Variants in FARS2 observed in about 807,000 individuals in gnomAD.
FARS2 encodes phenylalanine--tRNA ligase, mitochondrial.
In FARS2, 40 loss-of-function variants were observed where a neutral mutation model predicts 46.4. That is an observed-to-expected ratio of 0.86 (90% confidence interval 0.67 to 1.12). The LOEUF is 1.12. Among genes scored for constraint, FARS2 ranks in the 50% most tolerant of loss-of-function variants. The pLI is 0.00. For synonymous variants in FARS2, 234 were observed against 214.9 expected (o/e 1.09, Z -0.78); for missense variants, 513 against 567.9 (o/e 0.90, Z 0.98).
intron 6 of FARS2, among the ~76,000 whole-genome samples, chr6:5,644,505 G>T (rs1318596607): frequency 2.0e-5 from 3 of 152,078 alleles, no homozygotes; most frequent in African/African-American, 7.2e-5. Flanking sequence ...CAGCCACCGT[G>T]CCTGGCCTGT....
At chr6:5,507,885 C>G (rs73719627) in intron 4 of FARS2, among the ~76,000 whole-genome samples, 3,562 of 152,236 alleles carry the variant, frequency 0.023, 52 homozygotes, top group African/African-American at 0.032. Context: ...CCTGACGATC[C>G]AAATGGGATG....
chr6:5,574,152 G>T (rs948480290), intron 5 of FARS2, among the ~76,000 whole-genome samples: 4 of 151,994 alleles, frequency 2.6e-5, no homozygotes, highest in Non-Finnish European at 5.9e-5. Context: ...TTTGTTTTGA[G>T]ACAGAGTCTC....
chr6:5,374,664 C>T (rs1581919641), intron 2 of FARS2, among the ~76,000 whole-genome samples: 1 of 152,022 alleles, frequency 6.6e-6, no homozygotes, highest in South Asian at 2.1e-4. Context: ...TCATTATGAA[C>T]ATAGATTATT....
rs529709616 is a variant in FARS2, at chr6:5,589,533, A to G, written c.1066-23636A>G. ...CCTGCAGCTTCGCTTTGGCAGTACC[A>G]TGTTTTTCAGAGCCTGCTCGATTTG... On this transcript the variant is annotated intron_variant, in intron 5 of 6. Transcript: ENST00000274680. Among the ~76,000 whole-genome samples the G allele has an allele frequency of 4.6e-5, 7 of 152,316 alleles. No homozygotes were observed. The East Asian group carries it at 1.2e-3, about 25-fold the overall frequency.
intron 3 of FARS2, among the ~76,000 whole-genome samples, chr6:5,423,045 T>G (rs1257408344): frequency 6.6e-6 from 1 of 152,170 alleles, no homozygotes; most frequent in Non-Finnish European, 1.5e-5. Context: ...GATTTGCTTC[T>G]AGATCTGTGC....
chr6:5,486,087 C>G (rs183361850), intron 4 of FARS2, among the ~76,000 whole-genome samples: 173 of 152,356 alleles, frequency 1.1e-3, no homozygotes, highest in African/African-American at 4.0e-3. Context: ...CATTACCTCT[C>G]TCAAGGATAT....
chr6:5,615,038 T>C (rs1312963899), intron 6 of FARS2, among the ~76,000 whole-genome samples: 1 of 152,222 alleles, frequency 6.6e-6, no homozygotes, highest in African/African-American at 2.4e-5. Context: ...TTTTAAAGGA[T>C]TCCTTCTTTA....
intron 1 of FARS2, among the ~76,000 whole-genome samples, chr6:5,290,785 A>G (rs1432428302): frequency 2.0e-5 from 3 of 152,228 alleles, no homozygotes; most frequent in Admixed American, 1.3e-4. Context: ...CAGTGGCACA[A>G]TCATGGGTCA....
chr6:5,263,119 G>A (rs1247172863), intron 1 of FARS2, among the ~76,000 whole-genome samples: 1 of 152,162 alleles, frequency 6.6e-6, no homozygotes. Flanking sequence ...AAATAGCAAA[G>A]ATTACATTAT....
intron 1 of FARS2, among the ~76,000 whole-genome samples, chr6:5,292,754 T>C (rs572878115): frequency 5.3e-5 from 8 of 152,214 alleles, no homozygotes; most frequent in African/African-American, 1.9e-4. Flanking sequence ...TAAGAGACCT[T>C]GGTGTATAAT....
At chr6:5,408,826 CAAG>C (rs1386949444) in intron 3 of FARS2, among the ~76,000 whole-genome samples, 1 of 152,064 alleles carries the variant, frequency 6.6e-6, no homozygotes, top group Admixed American at 6.6e-5. Flanking sequence ...TCTGAGGGAA[CAAG>C]AAGGAGCTGT....
At chr6:5,434,688 T>A (rs148790008) in intron 4 of FARS2, among the ~76,000 whole-genome samples, 165 of 152,300 alleles carry the variant, frequency 1.1e-3, no homozygotes, top group African/African-American at 3.8e-3. Flanking sequence ...ATAGGTATAC[T>A]TTATCCCACT....
intron 4 of FARS2, among the ~76,000 whole-genome samples, chr6:5,437,973 A>G (rs941278826): frequency 6.6e-6 from 1 of 151,996 alleles, no homozygotes; most frequent in Non-Finnish European, 1.5e-5. Flanking sequence ...GCGTTATTTT[A>G]TGTGAGAATG....
intron 2 of FARS2, among the ~76,000 whole-genome samples, chr6:5,393,653 C>T (rs532753439): frequency 6.6e-6 from 1 of 151,864 alleles, no homozygotes; most frequent in Non-Finnish European, 1.5e-5. Flanking sequence ...GAGACTCCAC[C>T]TAAAAAAAAG....
chr6:5,395,070 AGAC>A (rs1760816151), intron 2 of FARS2, among the ~76,000 whole-genome samples: 1 of 152,042 alleles, frequency 6.6e-6, no homozygotes, highest in Non-Finnish European at 1.5e-5. Context: ...ATTGGTTTTG[AGAC>A]AGAGTCTCGC....
At chr6:5,297,676 A>G (rs1296234509) in intron 1 of FARS2, among the ~76,000 whole-genome samples, 2 of 152,076 alleles carry the variant, frequency 1.3e-5, no homozygotes, top group African/African-American at 4.8e-5. Flanking sequence ...AAAAAACCCA[A>G]AAGAACAGCA....
chr6:5,341,222 TATATA>T (rs1561970023), intron 1 of FARS2, among the ~76,000 whole-genome samples: 9 of 7,256 alleles, frequency 1.2e-3, no homozygotes, highest in African/African-American at 3.7e-3. Flanking sequence ...TATATATATA[TATATA>T]TATATATATT....
intron 6 of FARS2, among the ~76,000 whole-genome samples, chr6:5,614,972 C>T (rs948507299): frequency 6.6e-6 from 1 of 152,194 alleles, no homozygotes; most frequent in African/African-American, 2.4e-5. Flanking sequence ...ATTGTCCTCT[C>T]AAGTTTAATT....
chr6:5,506,812 C>T (rs1001262790), intron 4 of FARS2, among the ~76,000 whole-genome samples: 7 of 152,126 alleles, frequency 4.6e-5, no homozygotes, highest in African/African-American at 1.4e-4. Flanking sequence ...TCTGAAAGTT[C>T]GTGAACAATA....
Sources: allele counts gnomAD v4.1 joint callset (sites outside exome capture counted in the v4.1 genomes callset), GRCh38; gene constraint gnomAD v4.1.1; transcripts MANE v1.5; gene names NCBI Gene and HGNC (gene_info 2026-07-23, HGNC 2026-07-21).